Variants in MAP2K4 observed in about 807,000 individuals in gnomAD.
MAP2K4 encodes the protein mitogen-activated protein kinase kinase 4, also known as dual specificity mitogen-activated protein kinase kinase 4.
In MAP2K4, 4 loss-of-function variants were observed where a neutral mutation model predicts 48.5. That is an observed-to-expected ratio of 0.08 (90% confidence interval 0.04 to 0.19). MAP2K4 has a LOEUF of 0.19. Among genes scored for constraint, MAP2K4 ranks in the 10% least tolerant of loss-of-function variants. MAP2K4 has a pLI of 1.00. For synonymous variants in MAP2K4, 166 were observed against 173.1 expected, an observed-to-expected ratio of 0.96 and a Z score of 0.32; for missense variants, 258 against 493.3, an observed-to-expected ratio of 0.52 and a Z score of 4.52.
At chr17:12,033,253 C>T (rs751952379) in intron 1 of MAP2K4, among the ~76,000 whole-genome samples, 2 of 152,014 alleles carry the variant, frequency 1.3e-5, no homozygotes, top group African/African-American at 4.8e-5. Context: ...TGATATAAGT[C>T]GTTTTGTCTT....
intron 1 of MAP2K4, among the ~76,000 whole-genome samples, chr17:12,051,303 T>C (rs1970133176): frequency 6.6e-6 from 1 of 152,214 alleles, no homozygotes; most frequent in Non-Finnish European, 1.5e-5. Context: ...AACAAAGATT[T>C]ACTCCAGCCA....
chr17:12,111,191 A>C (rs1255345051), intron 6 of MAP2K4, among the ~76,000 whole-genome samples: 1 of 152,200 alleles, frequency 6.6e-6, no homozygotes, highest in Admixed American at 6.5e-5. Flanking sequence ...TAGGAAGGAA[A>C]GTAAAGGGTC....
chr17:12,099,704 G>GA (rs1198523236), intron 4 of MAP2K4, among the ~76,000 whole-genome samples: 1 of 152,024 alleles, frequency 6.6e-6, no homozygotes, highest in Admixed American at 6.6e-5. Flanking sequence ...TAGGTAGGTG[G>GA]AAAAAAGAGC....
intron 1 of MAP2K4, among the ~76,000 whole-genome samples, chr17:12,023,737 A>G (rs1186682628): frequency 1.3e-5 from 2 of 152,178 alleles, no homozygotes; most frequent in East Asian, 1.9e-4. Flanking sequence ...CTTAAGAACC[A>G]GAGCTCTGGA....
chr17:12,075,011 G>C (rs1445962741), intron 2 of MAP2K4, among the ~76,000 whole-genome samples: 1 of 152,154 alleles, frequency 6.6e-6, no homozygotes, highest in East Asian at 1.9e-4. Flanking sequence ...TAGGACAAGT[G>C]GAGGTGCCAC....
chr17:12,053,997 A>G (rs548138983), intron 1 of MAP2K4, among the ~76,000 whole-genome samples: 49 of 152,326 alleles, frequency 3.2e-4, no homozygotes, highest in African/African-American at 1.1e-3. Context: ...AATGCTTAAA[A>G]AATTCAGTTC....
At chr17:12,022,988 T>G (rs1969138030) in intron 1 of MAP2K4, among the ~76,000 whole-genome samples, 1 of 152,198 alleles carries the variant, frequency 6.6e-6, no homozygotes, top group Non-Finnish European at 1.5e-5. Context: ...CTTTTTCTGA[T>G]GCTGTCCGTT....
chr17:12,083,686 G>A (rs1032152736), intron 3 of MAP2K4, among the ~76,000 whole-genome samples: 4 of 152,238 alleles, frequency 2.6e-5, no homozygotes, highest in African/African-American at 9.6e-5. Context: ...GATGACAGAT[G>A]TATGCCATCT....
chr17:12,117,213 A>G (rs954928592), intron 7 of MAP2K4, among the ~76,000 whole-genome samples: 2 of 152,178 alleles, frequency 1.3e-5, no homozygotes, highest in Admixed American at 6.5e-5. Context: ...CGATATCATT[A>G]CCACACCTAA....
At chr17:12,096,461 T>C (rs1489557718) in intron 4 of MAP2K4, among the ~76,000 whole-genome samples, 1 of 152,188 alleles carries the variant, frequency 6.6e-6, no homozygotes, top group African/African-American at 2.4e-5. Flanking sequence ...AATTAATACA[T>C]TATGATATCC....
At chr17:12,130,350 C>T (rs774157873) in intron 9 of MAP2K4, among the ~76,000 whole-genome samples, 4 of 152,116 alleles carry the variant, frequency 2.6e-5, no homozygotes, top group Non-Finnish European at 5.9e-5. Context: ...TGGCTGCTTC[C>T]TCCTTTTAAA....
At chr17:12,123,523 C>T (rs1432341995) in intron 7 of MAP2K4, among the ~76,000 whole-genome samples, 1 of 151,970 alleles carries the variant, frequency 6.6e-6, no homozygotes, top group Non-Finnish European at 1.5e-5. Flanking sequence ...TTTTTCTATT[C>T]CTGTTTTACT....
Position 12,134,084 on chromosome 17 carries a change from A to G in MAP2K4, c.1040+4797A>G, listed in dbSNP as rs187611601. Reference sequence around the variant, plus strand: ...TGCATGCTGTTAGAGCAAATGCAAAAATTAAATCCCTATAGTAGGTGATGA... The same window carrying G: ...TGCATGCTGTTAGAGCAAATGCAAAGATTAAATCCCTATAGTAGGTGATGA... On this transcript the variant is annotated intron_variant, in intron 9 of 10. Transcript: ENST00000353533. 4.1e-4 allele frequency among the ~76,000 whole-genome samples: 62 copies of G among 152,322 alleles called. 1 individual carries two copies. Among genetic ancestry groups the G allele is most frequent in the Admixed American group, 2.6e-3 (40 of 15,296 alleles).
intron 9 of MAP2K4, among the ~76,000 whole-genome samples, chr17:12,139,315 T>C (rs8078439): frequency 0.26 from 38,938 of 152,078 alleles, 5,218 homozygotes; most frequent in Middle Eastern, 0.32. Context: ...AGTGAAGTTA[T>C]ATTGTTTTAA....
chr17:12,046,817 C>G (rs1257289910), intron 1 of MAP2K4, among the ~76,000 whole-genome samples: 1 of 152,094 alleles, frequency 6.6e-6, no homozygotes, highest in African/African-American at 2.4e-5. Context: ...TTTATTATAA[C>G]TGAAATGAGT....
At chr17:12,053,387 T>G (rs1451507791) in intron 1 of MAP2K4, among the ~76,000 whole-genome samples, 1 of 152,072 alleles carries the variant, frequency 6.6e-6, no homozygotes, top group African/African-American at 2.4e-5. Context: ...TTTCCCTTGA[T>G]TTGTCTTTAC....
At position 12,141,067 on chromosome 17, in the gene MAP2K4, A is replaced by G. The variant is rs570306444; in HGVS notation, c.1087-80A>G. On this transcript the variant is annotated intron_variant, in intron 10 of 10. Transcript: ENST00000353533. ...TGTGTGGTTGGGAGCCTGGAGTTCT[A>G]TGTTCTATAGAAATTGGAAAATGTT... 1.1e-3 allele frequency: 902 copies of G among 834,792 alleles called. 15 individuals carry two copies. In the South Asian group the frequency reaches 0.012, roughly 11 times the overall value. 51.7% of individuals were successfully genotyped at this position (834,792 alleles called of 1,614,324 possible). A position where few individuals can be genotyped will look rare whatever the true frequency, so the allele number is the denominator to read the frequency against.
chr17:12,089,876 T>C (rs1006632141), intron 3 of MAP2K4, among the ~76,000 whole-genome samples: 2 of 152,216 alleles, frequency 1.3e-5, no homozygotes, highest in Non-Finnish European at 2.9e-5. Context: ...CAGTTAGAAT[T>C]GATAGCCATT....
intron 3 of MAP2K4, among the ~76,000 whole-genome samples, chr17:12,085,500 A>T (rs1971332708): frequency 1.3e-5 from 2 of 151,940 alleles, no homozygotes; most frequent in Non-Finnish European, 2.9e-5. Context: ...GTGACCTGGT[A>T]TGCAAGAGTT....
Sources: gnomAD v4.1 joint callset for allele counts (sites outside exome capture counted in the v4.1 genomes callset) on GRCh38, gnomAD v4.1.1 for gene constraint, MANE v1.5 for transcripts, NCBI Gene and HGNC (gene_info 2026-07-23, HGNC 2026-07-21) for gene names.